Variants in HMGA1 observed in about 807,000 individuals in gnomAD.
The protein encoded by HMGA1 is high mobility group protein HMG-I/HMG-Y.
HMGA1 carries 1 observed loss-of-function variant against 15.1 expected under a neutral mutation model. The ratio of observed to expected loss-of-function variants is 0.07; its 90% confidence interval spans 0.02 to 0.31. HMGA1 has a LOEUF of 0.31. Ranked by LOEUF, HMGA1 falls within the 10% of genes least tolerant of loss-of-function variation. The pLI, the probability that HMGA1 is intolerant of heterozygous loss-of-function variation, is 1.00. For synonymous variants in HMGA1, 56 were observed against 54.8 expected (o/e 1.02, Z -0.10); for missense variants, 94 against 141.4 (o/e 0.66, Z 1.70).
chr6:34,244,617 T>G (rs1241803580), intron 5 of HMGA1, among the ~76,000 whole-genome samples: 1 of 152,130 alleles, frequency 6.6e-6, no homozygotes, highest in Non-Finnish European at 1.5e-5. Context: ...TGGCTCTGGG[T>G]GAGAGCAGCA....
At position 34,240,803 on chromosome 6, in the gene HMGA1, C is replaced by A. The variant is rs766422748; in HGVS notation, c.23C>A (p.Ser8Tyr). The A allele has an allele frequency of 6.2e-7, 1 of 1,612,618 alleles. No homozygotes were observed. The highest frequency in any genetic ancestry group is 1.3e-5 in the African/African-American group (1 of 74,858). ...AAGATGAGTGAGTCGAGCTCGAAGT[C>A]CAGCCAGCCCTTGGCCTCCAAGCAG... MSESSSKSSQPLASKQEK... is the reference protein window; with the variant it reads MSESSSKYSQPLASKQEK... Residue 8 changes from serine (S) to tyrosine (Y), a missense_variant, in exon 3 of 6, where the codon TCC (serine) becomes TAC (tyrosine). Transcript: ENST00000311487.
intron 1 of HMGA1, 37 bp downstream of exon 1, chr6:34,237,000 AT>A (rs1761798594): frequency 6.6e-6 from 1 of 151,728 alleles, no homozygotes; most frequent in South Asian, 2.1e-4. Flanking sequence ...TCTTTTTTTT[AT>A]ATCTATAATT....
chr6:34,244,840 G>A lies in HMGA1; in HGVS notation c.280G>A (p.Glu94Lys). ...RGRPKKLEKE[E>K]EEGISQESSE... The stretch of plus-strand genomic sequence containing the variant: ...ACTGCCCACCTCACAGGAGAAGGAG[G>A]AAGAGGAGGGCATCTCGCAGGAGTC... The change falls in exon 6 of 6, where the codon GAA (glutamate) becomes AAA (lysine). Residue 94 changes from glutamate (E) to lysine (K), a missense_variant. Physicochemically the swap from Glu to Lys is moderately conservative, Grantham distance 56. Transcript: ENST00000311487. The A allele has an allele frequency of 3.2e-6, 5 of 1,572,062 alleles. No homozygotes were observed. Among genetic ancestry groups the A allele is most frequent in the Non-Finnish European group, 4.3e-6 (5 of 1,158,962 alleles).
chr6:34,243,782 C>T (rs1315059644), intron 5 of HMGA1, among the ~76,000 whole-genome samples: 2 of 152,128 alleles, frequency 1.3e-5, no homozygotes, highest in African/African-American at 4.8e-5. Flanking sequence ...CCCTCTCCTG[C>T]TCCTAGAATA....
chr6:34,237,461 G>GGCGGGGGAGGGCCGCGCGGC (rs1257143256), intron 2 of HMGA1, 144 bp downstream of exon 2: 2 of 144,662 alleles, frequency 1.4e-5, no homozygotes, highest in African/African-American at 2.5e-5. Context: ...GCGAGCCGGC[G>GGCGGGGGAGGGCCGCGCGGC]GCGGGGGAGG....
At chr6:34,237,542 C>T (rs1279203538) in intron 2 of HMGA1, among the ~76,000 whole-genome samples, 3 of 144,892 alleles carry the variant, frequency 2.1e-5, no homozygotes, top group Admixed American at 1.4e-4. Context: ...TTCCCCCGCG[C>T]CGCGGGCGCC....
Position 34,245,839 on chromosome 6 carries a change from A to C in HMGA1, c.*955A>C. On this transcript the variant is annotated 3_prime_UTR_variant, in exon 6 of 6. Transcript: ENST00000311487. ...TTCTGGTTCCATTTTTCCTCTGTTCACAAACTACCTCTGGACAGTTGTGTT... is the reference window on the plus strand; with the variant it reads ...TTCTGGTTCCATTTTTCCTCTGTTCCCAAACTACCTCTGGACAGTTGTGTT... 1 of 383,668 alleles carries C rather than the reference A, an allele frequency of 2.6e-6. No individual in the cohort carries two copies. Among genetic ancestry groups the C allele is most frequent in the South Asian group, 2.5e-5 (1 of 40,560 alleles). The allele number at this position is 383,668 out of a possible 1,614,324, so 23.8% of individuals were successfully genotyped here.
In HMGA1 at chr6:34,239,288, A is replaced by G. The variant is rs567432590; in HGVS notation, c.-44-1449A>G. Among the ~76,000 whole-genome samples, 14 of 150,652 alleles carry G rather than the reference A, an allele frequency of 9.3e-5. No individual in the cohort carries two copies. The South Asian group carries it at 1.3e-3, about 14-fold the overall frequency. On this transcript the variant is annotated intron_variant, in intron 2 of 5. Transcript: ENST00000311487. ...TTCTTCTTTTTTTTTTTTCTTTTAA[A>G]TTAGACATGGGAGTCCCACCGTATT...
rs927955450 is a variant in HMGA1, at chr6:34,242,638, G to C, written c.136-74G>C. Reference sequence around the variant, plus strand: ...CTTGCTGACTTAACCTTGTTGAGGAGGCAGAGGGCTGTGTCTTCTGAGGGG... The same window carrying C: ...CTTGCTGACTTAACCTTGTTGAGGACGCAGAGGGCTGTGTCTTCTGAGGGG... On this transcript the variant is annotated intron_variant, in intron 3 of 5. Coordinates refer to ENST00000311487, the MANE Select transcript of HMGA1 (RefSeq NM_145899.3). 6 of 1,004,288 alleles carry C rather than the reference G, an allele frequency of 6.0e-6. No individual in the cohort carries two copies. In the African/African-American group the frequency reaches 9.6e-5, roughly 16 times the overall value. The allele number at this position is 1,004,288 out of a possible 1,614,324, so 62.2% of individuals were successfully genotyped here.
chr6:34,242,736 C>T lies in HMGA1; in HGVS notation c.160C>T (p.Pro54Ser). Reference sequence around the variant, plus strand: ...GAAGGAGCCCAGCGAAGTGCCAACACCTAAGAGACCTCGGGGCCGACCAAA... The same window carrying T: ...GAAGGAGCCCAGCGAAGTGCCAACATCTAAGAGACCTCGGGGCCGACCAAA... ...SQKEPSEVPT[P>S]KRPRGRPKGS... Residue 54 changes from proline (P) to serine (S), a missense_variant, in exon 4 of 6, where the codon CCT becomes TCT. Transcript: ENST00000311487. 1 of 1,589,894 alleles carries T rather than the reference C, an allele frequency of 6.3e-7. No individual in the cohort carries two copies. Among genetic ancestry groups the T allele is most frequent in the Non-Finnish European group, 8.6e-7 (1 of 1,166,460 alleles).
intron 4 of HMGA1, 73 bp downstream of exon 4, chr6:34,242,868 G>A: frequency 1.7e-6 from 2 of 1,154,510 alleles, no homozygotes; most frequent in Non-Finnish European, 1.3e-6. Context: ...CATGGCCACG[G>A]CTGTGGGGAG....
chr6:34,236,885 C>T lies in HMGA1; in HGVS notation c.-237C>T, dbSNP rs996432662. 2.6e-5 allele frequency: 4 copies of T among 152,554 alleles called. No homozygotes were observed. The highest frequency in any genetic ancestry group is 7.2e-5 in the African/African-American group (3 of 41,448). The allele number at this position is 152,554 out of a possible 1,614,324, so 9.5% of individuals were successfully genotyped here. A position where few individuals can be genotyped will look rare whatever the true frequency, so the allele number is the denominator to read the frequency against. ...CCCCTGGGTCGCTCTTTTTAAGCTC[C>T]CCTGAGCCGGTGCTGCGCTCCTCTA... On this transcript the variant is annotated 5_prime_UTR_variant, in exon 1 of 6. Coordinates refer to ENST00000311487, the MANE Select transcript of HMGA1 (RefSeq NM_145899.3).
intron 3 of HMGA1, 50 bp from the exon 4 acceptor site, chr6:34,242,662 G>A (rs1209440913): frequency 7.8e-7 from 1 of 1,284,792 alleles, no homozygotes; most frequent in Admixed American, 2.0e-5. Flanking sequence ...TCTTCTGAGG[G>A]GGTGGAAACA....
At chr6:34,244,753 G>T (rs1037618861) in intron 5 of HMGA1, 78 bp from the exon 6 acceptor site, 3 of 1,210,870 alleles carry the variant, frequency 2.5e-6, no homozygotes, top group South Asian at 1.3e-5. Flanking sequence ...GGAGTGCAGG[G>T]AGCGGGTGGG....
chr6:34,239,813 T>C (rs909995218), intron 2 of HMGA1, among the ~76,000 whole-genome samples: 1 of 152,130 alleles, frequency 6.6e-6, no homozygotes, highest in Non-Finnish European at 1.5e-5. Context: ...ATGGGGTTAA[T>C]TAAACCCCAA....
At chr6:34,242,847 CTTG>C (rs1762411540) in intron 4 of HMGA1, 52 bp downstream of exon 4, 2 of 1,367,378 alleles carry the variant, frequency 1.5e-6, no homozygotes, top group South Asian at 2.5e-5. Context: ...AGAGGATCCT[CTTG>C]TTGGCACCAT....
At chr6:34,237,700 C>G (rs1761909218) in intron 2 of HMGA1, among the ~76,000 whole-genome samples, 1 of 150,734 alleles carries the variant, frequency 6.6e-6, no homozygotes, top group African/African-American at 2.4e-5. Context: ...AGCCCGAGCC[C>G]GAGCCCGGGC....
Position 34,243,917 on chromosome 6 carries a change from C to T in HMGA1, c.270+399C>T, listed in dbSNP as rs539249349. ...ATGAGCCTCTGCAGAAGAGAAACAGCGAAGGAGCTGGGCCCTGGGAGGGGT... is the reference window on the plus strand; with the variant it reads ...ATGAGCCTCTGCAGAAGAGAAACAGTGAAGGAGCTGGGCCCTGGGAGGGGT... On this transcript the variant is annotated intron_variant, in intron 5 of 5. Coordinates refer to ENST00000311487, the MANE Select transcript of HMGA1 (RefSeq NM_145899.3). Among the ~76,000 whole-genome samples, 7 of 152,182 alleles carry T rather than the reference C, an allele frequency of 4.6e-5. No homozygotes were observed. The South Asian group carries it at 8.3e-4, about 18-fold the overall frequency.
In HMGA1 at chr6:34,237,396, G is replaced by A. The variant is rs1385027536; in HGVS notation, c.-45+79G>A. ...CCCGCCCGCACGTCGCCCCTCCTGC[G>A]AGCCGCCCGGGGCTGCAGCGCGCGC... is the stretch of plus-strand genomic sequence containing the variant. On this transcript the variant is annotated intron_variant, in intron 2 of 5. Coordinates refer to ENST00000311487, the MANE Select transcript of HMGA1 (RefSeq NM_145899.3). The A allele has an allele frequency of 2.8e-5, 4 of 144,542 alleles. No homozygotes were observed. In the East Asian group the frequency reaches 8.3e-4, roughly 30 times the overall value. 9.0% of individuals were successfully genotyped at this position (144,542 alleles called of 1,614,324 possible). A position where few individuals can be genotyped will look rare whatever the true frequency, so the allele number is the denominator to read the frequency against.
Sources: gnomAD v4.1 joint callset for allele counts (sites outside exome capture counted in the v4.1 genomes callset) on GRCh38, gnomAD v4.1.1 for gene constraint, MANE v1.5 for transcripts, NCBI Gene and HGNC (gene_info 2026-07-23, HGNC 2026-07-21) for gene names.